Variants in SOS1 observed in about 807,000 individuals in gnomAD.
The protein encoded by SOS1 is son of sevenless homolog 1.
A neutral mutation model predicts 157.6 loss-of-function variants in SOS1; 25 were observed. That is an observed-to-expected ratio of 0.16 (90% CI 0.12 to 0.22). The LOEUF is 0.22. Ranked by LOEUF, SOS1 falls within the 10% of genes least tolerant of loss-of-function variation. The pLI, the probability that SOS1 is intolerant of heterozygous loss-of-function variation, is 1.00. For synonymous variants in SOS1, 528 were observed against 534.0 expected (o/e 0.99, Z 0.16); for missense variants, 1,237 against 1,599.1 (o/e 0.77, Z 3.86).
At chr2:39,123,822 G>T (rs1051092121), upstream of SOS1, among the ~76,000 whole-genome samples, 5 of 152,202 alleles carry the variant, frequency 3.3e-5, no homozygotes, top group Admixed American at 3.3e-4. Context: ...CAGAAAACGG[G>T]CGATTTTCGG....
At chr2:39,103,781 A>G (rs891755594) in intron 1 of SOS1, among the ~76,000 whole-genome samples, 11 of 152,238 alleles carry the variant, frequency 7.2e-5, no homozygotes, top group African/African-American at 2.7e-4. Flanking sequence ...AATGAAAGAA[A>G]AAACAGATAA....
chr2:39,115,402 CTCTCTTTTTTTT>C lies in SOS1; in HGVS notation c.87+4922_87+4933del, dbSNP rs773096581. The stretch of plus-strand genomic sequence containing the variant: ...TTGTCATTTGTATCAAATTTGTTCT[CTCTCTTTTTTTT>C]TTTTTTTTTTTTTTTTTTGAGACAG... On this transcript the variant is annotated intron_variant, in intron 1 of 22. Coordinates refer to ENST00000402219, the MANE Select transcript of SOS1 (RefSeq NM_005633.4). 3.0e-5 allele frequency among the ~76,000 whole-genome samples: 3 copies of C among 99,588 alleles called. No individual in the cohort carries two copies. The East Asian group carries it at 3.3e-3, about 110-fold the overall frequency. 65.3% of individuals were successfully genotyped at this position (99,588 alleles called of 152,430 possible).
At chr2:39,091,242 G>A (rs1178494793) in intron 1 of SOS1, among the ~76,000 whole-genome samples, 2 of 152,136 alleles carry the variant, frequency 1.3e-5, no homozygotes, top group Non-Finnish European at 2.9e-5. Flanking sequence ...TTTGTGCAGT[G>A]AGAGTGTACA....
chr2:39,018,625 A>G (rs751256290), intron 10 of SOS1, among the ~76,000 whole-genome samples: 7 of 151,808 alleles, frequency 4.6e-5, no homozygotes, highest in Non-Finnish European at 7.4e-5. Context: ...TGATAATCCA[A>G]TCCTTTTTCC....
At chr2:39,006,762 T>C (rs137926941) in intron 16 of SOS1, among the ~76,000 whole-genome samples, 6 of 152,314 alleles carry the variant, frequency 3.9e-5, no homozygotes, top group African/African-American at 1.4e-4. Context: ...TACACAATTA[T>C]GTGAACATTT....
chr2:39,112,203 T>C (rs1673465698), intron 1 of SOS1, among the ~76,000 whole-genome samples: 1 of 152,186 alleles, frequency 6.6e-6, no homozygotes, highest in Non-Finnish European at 1.5e-5. Context: ...TGCCGCTACC[T>C]GCAACCAACT....
In SOS1 at chr2:39,012,269, A is replaced by G. The variant is rs536472470; in HGVS notation, c.2247T>C (p.Gly749=). 1.2e-6 allele frequency: 2 copies of G among 1,613,236 alleles called. No homozygotes were observed. Among genetic ancestry groups the G allele is most frequent in the African/African-American group, 2.7e-5 (2 of 74,912 alleles). The change falls in exon 14 of 23, where the codon GGT becomes GGC. Residue 749 remains glycine, a synonymous_variant. Transcript: ENST00000402219. ...GTGAACTCTGAAATGTAATATTATG[A>G]CCTGGTCCATTGTCTCTTGCAATTT... is the stretch of plus-strand genomic sequence containing the variant. The part of the protein sequence containing the change: ...RKKIARDNGP[G]HNITFQSSPP...
chr2:39,091,479 T>C (rs897473178), intron 1 of SOS1, among the ~76,000 whole-genome samples: 3 of 152,098 alleles, frequency 2.0e-5, no homozygotes, highest in Non-Finnish European at 4.4e-5. Context: ...TTAACTCTTT[T>C]CCAACTCCTT....
chr2:39,030,186 T>A (rs1352234661), intron 8 of SOS1, among the ~76,000 whole-genome samples: 5 of 49,558 alleles, frequency 1.0e-4, no homozygotes, highest in Non-Finnish European at 2.1e-4. Context: ...TAAATAAAAA[T>A]AAAAAATATA....
At chr2:39,019,567 C>T (rs76448093) in intron 10 of SOS1, among the ~76,000 whole-genome samples, 157 of 151,778 alleles carry the variant, frequency 1.0e-3, no homozygotes, top group African/African-American at 3.6e-3. Flanking sequence ...CATCCAGAAA[C>T]ACCGAATCTG....
upstream of SOS1, chr2:39,124,400 G>C (rs949385366): frequency 3.3e-5 from 5 of 152,302 alleles, no homozygotes; most frequent in Non-Finnish European, 7.3e-5. Flanking sequence ...CGTGACGCAC[G>C]AGGCGCGTCC....
chr2:39,097,020 T>C (rs1672790227), intron 1 of SOS1, among the ~76,000 whole-genome samples: 1 of 152,198 alleles, frequency 6.6e-6, no homozygotes, highest in Non-Finnish European at 1.5e-5. Flanking sequence ...TTAAGAGATT[T>C]AACCAATCTC....
At chr2:39,123,595 C>G (rs1177173246), upstream of SOS1, among the ~76,000 whole-genome samples, 2 of 151,668 alleles carry the variant, frequency 1.3e-5, no homozygotes, top group Non-Finnish European at 2.9e-5. Flanking sequence ...TGACCTCAAG[C>G]AATCCACCCA....
intron 2 of SOS1, among the ~76,000 whole-genome samples, chr2:39,060,147 T>C (rs1290307612): frequency 1.3e-5 from 2 of 152,202 alleles, no homozygotes; most frequent in Non-Finnish European, 2.9e-5. Context: ...AATGACAAGA[T>C]ATTTAGGACT....
At chr2:39,010,770 T>G in intron 14 of SOS1, 67 bp from the exon 15 acceptor site, 5 of 1,296,762 alleles carry the variant, frequency 3.9e-6, no homozygotes, top group Non-Finnish European at 5.6e-6. Context: ...TTTTATTAAG[T>G]AAAGGAGACA....
chr2:39,006,408 T>C lies in SOS1; in HGVS notation c.2791+4A>G, dbSNP rs753285669. On this transcript the variant is annotated splice_donor_region_variant and intron_variant, in intron 17 of 22. Transcript: ENST00000402219. ...GCAATAAAAATTCAGAAAGAAATAC[T>C]TACCAAAGAAAGGCACACATGGTGG... 7 of 1,307,626 alleles carry C rather than the reference T, an allele frequency of 5.4e-6. No individual in the cohort carries two copies. The highest frequency in any genetic ancestry group is 4.4e-6 in the Non-Finnish European group (4 of 900,988). 81.0% of individuals were successfully genotyped at this position (1,307,626 alleles called of 1,614,324 possible).
At chr2:39,120,303 C>T in intron 1 of SOS1, 33 bp downstream of exon 1, 3 of 1,542,772 alleles carry the variant, frequency 1.9e-6, no homozygotes, top group Non-Finnish European at 1.7e-6. Flanking sequence ...TGGGGGGCTG[C>T]GGCCGGGAAG....
chr2:39,010,865 T>A (rs894516772), intron 14 of SOS1, among the ~76,000 whole-genome samples, 162 bp from the exon 15 acceptor site: 2 of 151,636 alleles, frequency 1.3e-5, no homozygotes, highest in Non-Finnish European at 2.9e-5. Flanking sequence ...AAAGTGTAAT[T>A]ATGCATATTT....
chr2:39,007,073 A>G lies in SOS1; in HGVS notation c.2631T>C (p.Ala877=), dbSNP rs764680059. ...NFNGVLEVVS[A]MNSSPVYRLD... ...GTCTGTAAACAGGTGATGAATTCATAGCACTGACAACCTCAAGGACACCAT... is the reference window on the plus strand; with the variant it reads ...GTCTGTAAACAGGTGATGAATTCATGGCACTGACAACCTCAAGGACACCAT... Residue 877 remains alanine (A), a synonymous_variant, in exon 16 of 23, where the codon GCT becomes GCC. Transcript: ENST00000402219. 6.2e-7 allele frequency: 1 copy of G among 1,611,438 alleles called. No homozygotes were observed. Among genetic ancestry groups the G allele is most frequent in the Non-Finnish European group, 8.5e-7 (1 of 1,177,624 alleles).
Sources: gnomAD v4.1 joint callset for allele counts (sites outside exome capture counted in the v4.1 genomes callset) on GRCh38, gnomAD v4.1.1 for gene constraint, MANE v1.5 for transcripts, NCBI Gene and HGNC (gene_info 2026-07-23, HGNC 2026-07-21) for gene names.